Variants in PROCR observed in about 807,000 individuals in gnomAD.
PROCR encodes the protein protein C receptor, also known as endothelial protein C receptor.
In PROCR, 22 loss-of-function variants were observed where a neutral mutation model predicts 24.2. That is an observed-to-expected ratio of 0.91 (90% CI 0.65 to 1.30). The LOEUF is 1.30. Ranked by LOEUF, PROCR falls within the 50% of genes most tolerant of loss-of-function variation. PROCR has a pLI of 0.00. For synonymous variants in PROCR, 137 were observed against 139.2 expected, an observed-to-expected ratio of 0.98 and a Z score of 0.11; for missense variants, 288 against 307.7, an observed-to-expected ratio of 0.94 and a Z score of 0.48.
At chr20:35,171,151 T>C (rs2146137913), upstream of PROCR, among the ~76,000 whole-genome samples, 1 of 152,270 alleles carries the variant, frequency 6.6e-6, no homozygotes, top group Middle Eastern at 3.4e-3. Flanking sequence ...TCTGCCCACC[T>C]CGGCCTCCCA....
intron 1 of PROCR, chr20:35,202,527 A>T (rs2060322919): frequency 6.6e-6 from 1 of 152,114 alleles, no homozygotes. Flanking sequence ...TGCTATCAGC[A>T]AGAAAGCTAT....
intron 1 of PROCR, among the ~76,000 whole-genome samples, chr20:35,209,296 T>C (rs1421036858): frequency 2.0e-5 from 3 of 152,110 alleles, no homozygotes; most frequent in Non-Finnish European, 2.9e-5. Context: ...ACTGGGCAGA[T>C]AGAGCACTGT....
intron 1 of PROCR, among the ~76,000 whole-genome samples, chr20:35,186,773 C>G (rs2086131213): frequency 6.6e-6 from 1 of 151,286 alleles, no homozygotes; most frequent in Non-Finnish European, 1.5e-5. Context: ...ATGGTGAAAC[C>G]CTGTCTCTAC....
chr20:35,174,676 C>T (rs1160372506), intron 1 of PROCR, 26 bp from the exon 2 acceptor site: 17 of 1,613,580 alleles, frequency 1.1e-5, no homozygotes, highest in Non-Finnish European at 1.4e-5. Context: ...CACGCCGGCC[C>T]AGGCTGAAGC....
At chr20:35,199,603 G>T (rs1387599340) in intron 1 of PROCR, among the ~76,000 whole-genome samples, 1 of 152,114 alleles carries the variant, frequency 6.6e-6, no homozygotes, top group East Asian at 1.9e-4. Context: ...GCAGAAATTG[G>T]CCGGGCATGG....
chr20:35,201,560 T>C (rs999269201), intron 1 of PROCR, among the ~76,000 whole-genome samples: 1 of 152,074 alleles, frequency 6.6e-6, no homozygotes, highest in Non-Finnish European at 1.5e-5. Flanking sequence ...AGGTGGTGCA[T>C]GCCTGTAATC....
At chr20:35,215,308 A>G (rs1411257531) in intron 1 of PROCR, among the ~76,000 whole-genome samples, 1 of 152,216 alleles carries the variant, frequency 6.6e-6, no homozygotes, top group Non-Finnish European at 1.5e-5. Context: ...TATATTGCAT[A>G]TAAAACTATT....
rs2086030845 is a variant in PROCR at position 35,177,346 on chromosome 20, T to G, written c.*533T>G. The stretch of plus-strand genomic sequence containing the variant: ...TAATCAATTAATAATATTAATAAAT[T>G]TCTTATATTTAAGGCATTGTTATCT... On this transcript the variant is annotated 3_prime_UTR_variant, in exon 4 of 4. Transcript: ENST00000216968. The G allele has an allele frequency of 2.0e-6, 2 of 980,762 alleles. No individual in the cohort carries two copies. Among genetic ancestry groups the G allele is most frequent in the Non-Finnish European group, 2.4e-6 (2 of 825,796 alleles). The allele number at this position is 980,762 out of a possible 1,614,324, so 60.8% of individuals were successfully genotyped here.
chr20:35,206,947 C>A (rs192299664), intron 1 of PROCR, among the ~76,000 whole-genome samples: 66 of 152,276 alleles, frequency 4.3e-4, no homozygotes, highest in African/African-American at 1.4e-3. Flanking sequence ...AAATATTCCT[C>A]AACTGGGAAG....
At chr20:35,191,815 G>C (rs1345588089) in intron 1 of PROCR, among the ~76,000 whole-genome samples, 1 of 152,198 alleles carries the variant, frequency 6.6e-6, no homozygotes, top group Non-Finnish European at 1.5e-5. Context: ...TTTGTTCTGA[G>C]TGAGATGGAA....
At chr20:35,212,573 G>C (rs1010027560) in intron 1 of PROCR, among the ~76,000 whole-genome samples, 1 of 152,140 alleles carries the variant, frequency 6.6e-6, no homozygotes, top group African/African-American at 2.4e-5. Flanking sequence ...AGGTCTTGTC[G>C]TAACAGTAAT....
chr20:35,197,237 TGTGAG>T (rs1476206172), intron 1 of PROCR, among the ~76,000 whole-genome samples: 1 of 152,204 alleles, frequency 6.6e-6, no homozygotes, highest in African/African-American at 2.4e-5. Context: ...GGATTACAGA[TGTGAG>T]CCATCGAACT....
chr20:35,203,292 C>T lies in PROCR; in HGVS notation c.95-12601C>T, dbSNP rs145896770. The T allele has an allele frequency of 2.6e-5, 4 of 152,100 alleles. No homozygotes were observed. In the East Asian group the frequency reaches 7.7e-4, roughly 29 times the overall value. 9.4% of individuals were successfully genotyped at this position (152,100 alleles called of 1,614,324 possible). A position where few individuals can be genotyped will look rare whatever the true frequency, so the allele number is the denominator to read the frequency against. The stretch of plus-strand genomic sequence containing the variant: ...TAAATAAGAAATCAATAATAGAAAA[C>T]TCCCCCAGCCTGACCAACATGGCAA... On this transcript the variant is annotated intron_variant, in intron 1 of 1. Coordinates refer to the PROCR transcript ENST00000634509.
Position 35,177,328 on chromosome 20 carries a change from T to C in PROCR, c.*515T>C, listed in dbSNP as rs2086030501. ...ATGGCAGTGATCAATTATTAATCAA[T>C]TAATAATATTAATAAATTTCTTATA... On this transcript the variant is annotated 3_prime_UTR_variant, in exon 4 of 4. Coordinates refer to ENST00000216968, the MANE Select transcript of PROCR (RefSeq NM_006404.5). The C allele has an allele frequency of 1.0e-6, 1 of 980,436 alleles. No homozygotes were observed. The highest frequency in any genetic ancestry group is 1.2e-6 in the Non-Finnish European group (1 of 825,514). 60.7% of individuals were successfully genotyped at this position (980,436 alleles called of 1,614,324 possible).
At position 35,177,005 on chromosome 20, in the gene PROCR, G is replaced by T. The variant is rs1422835931; in HGVS notation, c.*192G>T. On this transcript the variant is annotated 3_prime_UTR_variant, in exon 4 of 4. Transcript: ENST00000216968. ...GAGAGGAGAGGTGGACAAAGTACTT[G>T]GTTTGCTAAGAACCTAAGAACGTGT... 15 of 1,430,754 alleles carry T rather than the reference G, an allele frequency of 1.0e-5. No individual in the cohort carries two copies. The highest frequency in any genetic ancestry group is 1.4e-5 in the Non-Finnish European group (15 of 1,091,994). 88.6% of individuals were successfully genotyped at this position (1,430,754 alleles called of 1,614,324 possible).
downstream of PROCR, among the ~76,000 whole-genome samples, chr20:35,181,335 T>G (rs554978804): frequency 5.3e-5 from 8 of 152,030 alleles, no homozygotes; most frequent in African/African-American, 1.4e-4. Context: ...AGTAAAGTGG[T>G]GCGATCTCTG....
intron 1 of PROCR, among the ~76,000 whole-genome samples, chr20:35,207,718 C>T (rs1449439663): frequency 2.0e-5 from 3 of 151,822 alleles, no homozygotes; most frequent in African/African-American, 7.3e-5. Context: ...TTAGTAGAGA[C>T]GGGGTTTCTC....
In PROCR at chr20:35,177,342, A is replaced by G. The variant is rs534808319; in HGVS notation, c.*529A>G. On this transcript the variant is annotated 3_prime_UTR_variant, in exon 4 of 4. Transcript: ENST00000216968. Reference sequence around the variant, plus strand: ...TTATTAATCAATTAATAATATTAATAAATTTCTTATATTTAAGGCATTGTT... The same window carrying G: ...TTATTAATCAATTAATAATATTAATGAATTTCTTATATTTAAGGCATTGTT... 6.1e-5 allele frequency: 60 copies of G among 980,738 alleles called. No individual in the cohort carries two copies. In the East Asian group the frequency reaches 6.1e-3, roughly 100 times the overall value. 60.8% of individuals were successfully genotyped at this position (980,738 alleles called of 1,614,324 possible).
chr20:35,174,479 A>G (rs1483121501), intron 1 of PROCR: 2 of 607,688 alleles, frequency 3.3e-6, no homozygotes, highest in East Asian at 5.6e-5. Context: ...CTTCCACTGC[A>G]GGCCTCAGTT....
Sources: gnomAD v4.1 joint callset for allele counts (sites outside exome capture counted in the v4.1 genomes callset) on GRCh38, gnomAD v4.1.1 for gene constraint, MANE v1.5 for transcripts, NCBI Gene and HGNC (gene_info 2026-07-23, HGNC 2026-07-21) for gene names.